PIBF1: variants seen among roughly 807,000 people sequenced by gnomAD.
PIBF1 encodes the protein progesterone immunomodulatory binding factor 1.
In PIBF1, 90 loss-of-function variants were observed where a neutral mutation model predicts 112.5. The ratio of observed to expected loss-of-function variants is 0.80; its 90% CI spans 0.67 to 0.95. The LOEUF is 0.95. Among genes scored for constraint, PIBF1 ranks in the 40% least tolerant of loss-of-function variants. The probability of loss-of-function intolerance (pLI) is 0.00; values close to 1 mark genes in which losing one functional copy is unlikely to be tolerated. For missense variants in PIBF1, 915 were observed against 852.3 expected (o/e 1.07, Z -0.92); for synonymous variants, 301 against 288.6 (o/e 1.04, Z -0.44).
intron 9 of PIBF1, among the ~76,000 whole-genome samples, chr13:72,837,350 G>A (rs2138217610): frequency 6.6e-6 from 1 of 152,080 alleles, no homozygotes; most frequent in East Asian, 1.9e-4. Flanking sequence ...TGTGAATAAG[G>A]CTTTTGAAGT....
chr13:72,893,323 A>G (rs1219936939), intron 10 of PIBF1, among the ~76,000 whole-genome samples: 1 of 152,100 alleles, frequency 6.6e-6, no homozygotes, highest in African/African-American at 2.4e-5. Flanking sequence ...ATGTATATGT[A>G]CTAAGTTTAT....
chr13:72,894,120 A>G (rs1473069092), intron 11 of PIBF1, among the ~76,000 whole-genome samples, 171 bp downstream of exon 11: 2 of 151,432 alleles, frequency 1.3e-5, no homozygotes, highest in African/African-American at 4.8e-5. Context: ...ACTGAAAAGG[A>G]CTAGAATTGT....
intron 16 of PIBF1, among the ~76,000 whole-genome samples, chr13:72,996,087 C>CA (rs1555331035): frequency 3.1e-4 from 3 of 9,776 alleles, no homozygotes; most frequent in Non-Finnish European, 5.9e-4. Flanking sequence ...AAAAAAAAAG[C>CA]GGGGGGGGGG....
At chr13:72,887,949 A>T (rs1269569117) in intron 10 of PIBF1, among the ~76,000 whole-genome samples, 1 of 152,206 alleles carries the variant, frequency 6.6e-6, no homozygotes. Flanking sequence ...AGGTCAATAC[A>T]GTAGAAGCCC....
At chr13:72,889,371 C>T (rs2039974088) in intron 10 of PIBF1, among the ~76,000 whole-genome samples, 1 of 152,164 alleles carries the variant, frequency 6.6e-6, no homozygotes, top group Non-Finnish European at 1.5e-5. Context: ...CTCTGCCCCA[C>T]TTGCTTGTGG....
At chr13:72,897,067 A>G (rs530135643) in intron 11 of PIBF1, among the ~76,000 whole-genome samples, 36 of 152,338 alleles carry the variant, frequency 2.4e-4, no homozygotes, top group African/African-American at 8.7e-4. Context: ...AGGTTTTCCT[A>G]TAGAGGAAAA....
Position 72,906,660 on chromosome 13 carries a change from T to G in PIBF1, c.1489-1871T>G, listed in dbSNP as rs905098972. On this transcript the variant is annotated intron_variant, in intron 11 of 17. Transcript: ENST00000326291. ...TCAGTAGTTTTTCAGGACCTCTCTT[T>G]CACATTATGAAGATATTTTTTAAAT... Among the ~76,000 whole-genome samples the G allele has an allele frequency of 3.3e-5, 5 of 152,166 alleles. No homozygotes were observed. In the East Asian group the frequency reaches 9.6e-4, roughly 29 times the overall value.
chr13:72,942,592 G>T (rs2042042970), intron 14 of PIBF1, among the ~76,000 whole-genome samples: 1 of 152,090 alleles, frequency 6.6e-6, no homozygotes, highest in African/African-American at 2.4e-5. Context: ...TCATGCATGG[G>T]CTTTATCAAC....
intron 14 of PIBF1, among the ~76,000 whole-genome samples, chr13:72,947,200 G>T (rs540046927): frequency 2.6e-5 from 4 of 152,144 alleles, no homozygotes; most frequent in Admixed American, 6.5e-5. Flanking sequence ...CCAACACCAC[G>T]TGGAAGCTGC....
intron 13 of PIBF1, among the ~76,000 whole-genome samples, chr13:72,923,911 C>T (rs188837783): frequency 2.4e-4 from 37 of 152,292 alleles, no homozygotes; most frequent in Non-Finnish European, 4.4e-4. Flanking sequence ...TTGCAGTCAG[C>T]CCAGGTCACG....
chr13:72,901,323 T>C (rs1263526253), intron 11 of PIBF1, among the ~76,000 whole-genome samples: 1 of 152,092 alleles, frequency 6.6e-6, no homozygotes. Context: ...TTGCTAATGA[T>C]TGGGGAAATG....
At chr13:72,899,858 A>G (rs2040418612) in intron 11 of PIBF1, among the ~76,000 whole-genome samples, 3 of 152,114 alleles carry the variant, frequency 2.0e-5, no homozygotes, top group African/African-American at 7.2e-5. Flanking sequence ...TGAAAACCCT[A>G]AGTACTACTC....
In PIBF1 at chr13:72,916,412, A is replaced by T. The variant is rs561422585; in HGVS notation, c.1640-664A>T. 4.9e-3 allele frequency among the ~76,000 whole-genome samples: 712 copies of T among 144,714 alleles called. 3 individuals are homozygous for T. The highest frequency in any genetic ancestry group is 7.1e-3 in the Non-Finnish European group (477 of 67,534). The allele number at this position is 144,714 out of a possible 152,430, so 94.9% of individuals were successfully genotyped here. ...CATCTCAAAAAATATATATATATAT[A>T]TATTTTTTTAATCCCAACTTGCAGT... On this transcript the variant is annotated intron_variant, in intron 12 of 17. Transcript: ENST00000326291.
At chr13:72,892,928 C>G (rs1469509492) in intron 10 of PIBF1, among the ~76,000 whole-genome samples, 1 of 152,096 alleles carries the variant, frequency 6.6e-6, no homozygotes. Context: ...GTTTATTTGC[C>G]TGTTTTCCCC....
At chr13:72,791,782 G>A (rs531622038) in intron 2 of PIBF1, among the ~76,000 whole-genome samples, 54 of 151,950 alleles carry the variant, frequency 3.6e-4, no homozygotes, top group African/African-American at 9.2e-4. Flanking sequence ...ACAGGCGCCC[G>A]CCACCATGCC....
chr13:72,994,354 G>T (rs1381680348), intron 16 of PIBF1, among the ~76,000 whole-genome samples: 1 of 152,160 alleles, frequency 6.6e-6, no homozygotes, highest in Non-Finnish European at 1.5e-5. Context: ...AAACAAAAGG[G>T]CAGAAACTCT....
At chr13:72,885,776 T>C (rs1178828784) in intron 10 of PIBF1, among the ~76,000 whole-genome samples, 1 of 152,142 alleles carries the variant, frequency 6.6e-6, no homozygotes, top group African/African-American at 2.4e-5. Context: ...CCACAAGTGA[T>C]TCTGATGGTC....
chr13:72,919,862 T>A (rs1386065940), intron 13 of PIBF1, among the ~76,000 whole-genome samples: 1 of 152,046 alleles, frequency 6.6e-6, no homozygotes, highest in Non-Finnish European at 1.5e-5. Flanking sequence ...CCAGCTACCC[T>A]GCTCAGGAGG....
At chr13:72,808,105 A>G (rs1488376320) in intron 5 of PIBF1, among the ~76,000 whole-genome samples, 1 of 152,192 alleles carries the variant, frequency 6.6e-6, no homozygotes, top group East Asian at 1.9e-4. Flanking sequence ...AGACTTTACA[A>G]ACAAAGCTCT....
Sources: gnomAD v4.1 joint callset for allele counts (sites outside exome capture counted in the v4.1 genomes callset) on GRCh38, gnomAD v4.1.1 for gene constraint, MANE v1.5 for transcripts, NCBI Gene and HGNC (gene_info 2026-07-23, HGNC 2026-07-21) for gene names.